The following XKR4 variants were observed in gnomAD, a reference collection of about 807,000 sequenced individuals.
XKR4 encodes XK related 4, also known as XK-related protein 4.
Under a neutral mutation model 53.9 loss-of-function variants are expected in XKR4, and 12 were observed. That is an observed-to-expected ratio of 0.22 (90% CI 0.14 to 0.36). The LOEUF (loss-of-function observed/expected upper bound fraction) is 0.36, where lower values mean the gene tolerates loss of function less well. Among genes scored for constraint, XKR4 ranks in the 10% least tolerant of loss-of-function variants. The pLI is 1.00. For missense variants in XKR4, 799 were observed against 859.5 expected (o/e 0.93, Z 0.88); for synonymous variants, 354 against 362.4 (o/e 0.98, Z 0.26).
At chr8:55,499,869 T>G (rs1230175825) in intron 2 of XKR4, among the ~76,000 whole-genome samples, 1 of 152,194 alleles carries the variant, frequency 6.6e-6, no homozygotes, top group Non-Finnish European at 1.5e-5. Context: ...AGCCTGGAGA[T>G]TTTCCTCCAG....
intron 2 of XKR4, among the ~76,000 whole-genome samples, chr8:55,460,778 AC>A (rs1805643920): frequency 6.6e-6 from 1 of 152,164 alleles, no homozygotes; most frequent in Non-Finnish European, 1.5e-5. Context: ...GGTCACTCCC[AC>A]CCTAATACTG....
At chr8:55,489,370 C>T (rs1008296709) in intron 2 of XKR4, among the ~76,000 whole-genome samples, 1 of 152,092 alleles carries the variant, frequency 6.6e-6, no homozygotes, top group Non-Finnish European at 1.5e-5. Context: ...GTTACCCTTT[C>T]AAAAACTGTT....
chr8:55,470,956 A>T (rs967209427), intron 2 of XKR4, among the ~76,000 whole-genome samples: 2 of 152,194 alleles, frequency 1.3e-5, no homozygotes, highest in African/African-American at 4.8e-5. Context: ...TTGAGTCTGT[A>T]GACAATGTGG....
At chr8:55,131,299 G>C (rs977907133) in intron 1 of XKR4, among the ~76,000 whole-genome samples, 9 of 152,150 alleles carry the variant, frequency 5.9e-5, no homozygotes, top group Admixed American at 4.6e-4. Flanking sequence ...CCTGACTTTA[G>C]AGATCCTCAA....
chr8:55,347,653 G>A (rs1803667812), intron 1 of XKR4, among the ~76,000 whole-genome samples: 2 of 152,184 alleles, frequency 1.3e-5, no homozygotes, highest in South Asian at 4.1e-4. Context: ...CCTCTGAAGA[G>A]GAGGCAGAAC....
chr8:55,452,429 C>A, intron 2 of XKR4: 1 of 624,546 alleles, frequency 1.6e-6, no homozygotes, highest in Non-Finnish European at 2.9e-6. Flanking sequence ...GCAGTGCTGG[C>A]CACCCCGCAC....
intron 2 of XKR4, among the ~76,000 whole-genome samples, chr8:55,376,954 T>TCACACACACA (rs59737150): frequency 0.013 from 1,838 of 145,494 alleles, 29 homozygotes; most frequent in African/African-American, 0.04. Context: ...AAACACACAC[T>TCACACACACA]CACACACACA....
chr8:55,414,450 A>T (rs1804816973), intron 2 of XKR4, among the ~76,000 whole-genome samples: 1 of 151,314 alleles, frequency 6.6e-6, no homozygotes. Context: ...TGGAAGCCAC[A>T]GTTTGTTTCA....
At chr8:55,114,889 G>T (rs1362416572) in intron 1 of XKR4, among the ~76,000 whole-genome samples, 1 of 152,146 alleles carries the variant, frequency 6.6e-6, no homozygotes, top group African/African-American at 2.4e-5. Flanking sequence ...TCTGCTTAGG[G>T]TCATAGTAAG....
chr8:55,313,721 G>C (rs772610876), intron 1 of XKR4, among the ~76,000 whole-genome samples: 12 of 152,156 alleles, frequency 7.9e-5, no homozygotes, highest in Non-Finnish European at 1.6e-4. Context: ...AAGCAACTTC[G>C]AGTCACCTGC....
chr8:55,121,833 TAC>T (rs35625262), intron 1 of XKR4, among the ~76,000 whole-genome samples: 20,073 of 148,672 alleles, frequency 0.14, 1,571 homozygotes, highest in African/African-American at 0.21. Context: ...AATACAACAT[TAC>T]ACACACACAC....
In XKR4 at chr8:55,527,260, G is replaced by T. The variant is rs1424738817; in HGVS notation, c.*3033G>T. ...AATTCTAACATTTCCTTTTCAATCTGCCATTAAACCCTCCGCAGACAGTAA... is the reference window on the plus strand; with the variant it reads ...AATTCTAACATTTCCTTTTCAATCTTCCATTAAACCCTCCGCAGACAGTAA... On this transcript the variant is annotated 3_prime_UTR_variant, in exon 3 of 3. Transcript: ENST00000327381. The T allele has an allele frequency of 6.6e-6, 1 of 152,118 alleles. No homozygotes were observed. Among genetic ancestry groups the T allele is most frequent in the Non-Finnish European group, 1.5e-5 (1 of 68,006 alleles). 9.4% of individuals were successfully genotyped at this position (152,118 alleles called of 1,614,324 possible).
chr8:55,125,986 G>C (rs1816462388), intron 1 of XKR4, among the ~76,000 whole-genome samples: 2 of 152,124 alleles, frequency 1.3e-5, no homozygotes, highest in Admixed American at 6.5e-5. Flanking sequence ...CTGGAGAGGT[G>C]GAGAATTTTG....
At chr8:55,240,870 A>G (rs1818201009) in intron 1 of XKR4, among the ~76,000 whole-genome samples, 1 of 152,216 alleles carries the variant, frequency 6.6e-6, no homozygotes, top group Non-Finnish European at 1.5e-5. Flanking sequence ...CAACTCCAAT[A>G]TGAGAGACCG....
chr8:55,381,100 C>T (rs1804225246), intron 2 of XKR4, among the ~76,000 whole-genome samples: 1 of 151,330 alleles, frequency 6.6e-6, no homozygotes, highest in South Asian at 2.1e-4. Flanking sequence ...TATATATAGT[C>T]AAAAATAAAG....
chr8:55,108,872 T>C (rs972396914), intron 1 of XKR4, among the ~76,000 whole-genome samples: 6 of 152,138 alleles, frequency 3.9e-5, no homozygotes, highest in Admixed American at 6.5e-5. Context: ...GTTTTCCTCC[T>C]TGGGTCATAT....
chr8:55,389,580 G>T (rs1804415625), intron 2 of XKR4, among the ~76,000 whole-genome samples: 1 of 152,140 alleles, frequency 6.6e-6, no homozygotes, highest in Non-Finnish European at 1.5e-5. Context: ...ATGGCAAATA[G>T]TGAAGAAGGA....
chr8:55,217,636 G>A (rs950963920), intron 1 of XKR4, among the ~76,000 whole-genome samples: 1 of 152,170 alleles, frequency 6.6e-6, no homozygotes, highest in African/African-American at 2.4e-5. Context: ...GAAAAAATGA[G>A]TCATTGACAA....
intron 1 of XKR4, among the ~76,000 whole-genome samples, chr8:55,242,724 G>A (rs948640515): frequency 1.3e-5 from 2 of 152,106 alleles, no homozygotes; most frequent in Admixed American, 6.5e-5. Flanking sequence ...CCTGGCTTTA[G>A]AAGGCAGTTG....
Sources: gnomAD v4.1 joint callset for allele counts (sites outside exome capture counted in the v4.1 genomes callset) on GRCh38, gnomAD v4.1.1 for gene constraint, MANE v1.5 for transcripts, NCBI Gene and HGNC (gene_info 2026-07-23, HGNC 2026-07-21) for gene names.